The following KCNC1 variants were observed in gnomAD, a reference collection of about 807,000 sequenced individuals.
KCNC1 encodes the protein potassium voltage-gated channel subfamily C member 1, also known as voltage-gated potassium channel KCNC1.
A neutral mutation model predicts 43.4 loss-of-function variants in KCNC1; 8 were observed. The ratio of observed to expected loss-of-function variants is 0.18; its 90% CI spans 0.11 to 0.33. KCNC1 has a LOEUF of 0.33. Ranked by LOEUF, KCNC1 falls within the 10% of genes least tolerant of loss-of-function variation. The probability of loss-of-function intolerance (pLI) is 1.00; values close to 1 mark genes in which losing one functional copy is unlikely to be tolerated. For synonymous variants in KCNC1, 361 were observed against 360.5 expected (o/e 1.00, Z -0.01); for missense variants, 420 against 836.0 (o/e 0.50, Z 6.14).
At position 17,776,082 on chromosome 11, in the gene KCNC1, G is replaced by T; in HGVS notation, c.1505-3374G>T. The stretch of plus-strand genomic sequence containing the variant: ...AGGGTCAGCAGCCTGTGGGCCCTGA[G>T]TGGGGTCTTTGTTGTCCTCAGGTGG... On this transcript the variant is annotated intron_variant, in intron 2 of 3. Transcript: ENST00000265969. This position sits in a 1 kb window ranked among gnomAD's most constrained non-coding sequence, Gnocchi z 4.4. 1 of 985,504 alleles carries T rather than the reference G, an allele frequency of 1.0e-6. No individual in the cohort carries two copies. Among genetic ancestry groups the T allele is most frequent in the Non-Finnish European group, 1.2e-6 (1 of 829,996 alleles). 61.0% of individuals were successfully genotyped at this position (985,504 alleles called of 1,614,324 possible).
intron 1 of KCNC1, among the ~76,000 whole-genome samples, chr11:17,755,046 G>A (rs966575876): frequency 2.0e-5 from 3 of 152,312 alleles, no homozygotes; most frequent in Middle Eastern, 6.8e-3. Context: ...TGTTGGTTGA[G>A]ACTTGAAATA....
intron 2 of KCNC1, among the ~76,000 whole-genome samples, chr11:17,778,492 C>T (rs1447988314): frequency 1.3e-5 from 2 of 152,264 alleles, no homozygotes; most frequent in East Asian, 3.8e-4. Context: ...GTCCTGCTGC[C>T]ACAGCCTCAT....
chr11:17,736,495 C>T lies in KCNC1; in HGVS notation c.493C>T (p.Pro165Ser). The change falls in exon 1 of 4, where the codon CCT becomes TCT. Residue 165 changes from proline to serine, a missense_variant. Coordinates refer to ENST00000265969, the MANE Select transcript of KCNC1 (RefSeq NM_001112741.2). The surrounding 1 kb of genome is among the most constrained non-coding windows in gnomAD (Gnocchi z 9.3). ...LALSDSPDGR[P>S]GGFWRRWQPR... is the part of the protein sequence containing the mutation. ...GCTCAGTGACTCCCCGGATGGCCGG[C>T]CTGGCGGCTTTTGGCGCCGCTGGCA... 1.3e-6 allele frequency: 2 copies of T among 1,593,804 alleles called. No homozygotes were observed. The highest frequency in any genetic ancestry group is 1.1e-5 in the South Asian group (1 of 89,776).
rs1849348105 is a variant in KCNC1, at chr11:17,781,650, A to C, written c.1694-20A>C. ...GCCAAGAAGAGAAGCTCAAGTGTTA[A>C]TTGTATTCTTTACATACAGATCTTT... On this transcript the variant is annotated intron_variant, in intron 3 of 3. Transcript: ENST00000265969. This position sits in a 1 kb window ranked among gnomAD's most constrained non-coding sequence, Gnocchi z 5.1. 6.6e-7 allele frequency: 1 copy of C among 1,517,876 alleles called. No homozygotes were observed. The highest frequency in any genetic ancestry group is 2.0e-5 in the Admixed American group (1 of 50,838). The allele number at this position is 1,517,876 out of a possible 1,614,324, so 94.0% of individuals were successfully genotyped here. A position where few individuals can be genotyped will look rare whatever the true frequency, so the allele number is the denominator to read the frequency against.
Position 17,777,747 on chromosome 11 carries a change from C to T in KCNC1, c.1505-1709C>T. On this transcript the variant is annotated intron_variant, in intron 2 of 3. Coordinates refer to ENST00000265969, the MANE Select transcript of KCNC1 (RefSeq NM_001112741.2). This position sits in a 1 kb window ranked among gnomAD's most constrained non-coding sequence, Gnocchi z 4.3. ...ATGCTTTGCCATCTTGTACGAAAGA[C>T]TTTTTTTTTAAGTTCCAAAATTATG... 1.0e-6 allele frequency: 1 copy of T among 981,778 alleles called. No individual in the cohort carries two copies. Among genetic ancestry groups the T allele is most frequent in the Non-Finnish European group, 1.2e-6 (1 of 826,360 alleles). The allele number at this position is 981,778 out of a possible 1,614,324, so 60.8% of individuals were successfully genotyped here.
At chr11:17,752,495 A>G (rs1450597059) in intron 1 of KCNC1, among the ~76,000 whole-genome samples, 1 of 152,244 alleles carries the variant, frequency 6.6e-6, no homozygotes, top group Non-Finnish European at 1.5e-5. Flanking sequence ...ACATGCAGAC[A>G]TCTGCACACA....
Position 17,782,164 on chromosome 11 carries a change from A to C in KCNC1, c.*430A>C, listed in dbSNP as rs1236205. The C allele has an allele frequency of 6.3e-6, 1 of 158,224 alleles. No homozygotes were observed. The highest frequency in any genetic ancestry group is 2.4e-5 in the African/African-American group (1 of 41,518). The allele number at this position is 158,224 out of a possible 1,614,324, so 9.8% of individuals were successfully genotyped here. A position where few individuals can be genotyped will look rare whatever the true frequency, so the allele number is the denominator to read the frequency against. The stretch of plus-strand genomic sequence containing the variant: ...TTGGAGCCAAACTGTAACGGCGTTC[A>C]GTAGAAACCTGTACATTTCTGGGGG... On this transcript the variant is annotated 3_prime_UTR_variant, in exon 4 of 4. Transcript: ENST00000265969.
chr11:17,751,896 C>G (rs762974531), intron 1 of KCNC1, among the ~76,000 whole-genome samples: 6 of 152,262 alleles, frequency 3.9e-5, no homozygotes, highest in Middle Eastern at 6.8e-3. Context: ...CCTCAGGTCC[C>G]CAGCCTTGGT....
intron 2 of KCNC1, chr11:17,774,417 G>T: frequency 1.0e-6 from 1 of 985,574 alleles, no homozygotes; most frequent in Middle Eastern, 5.2e-4. Context: ...CCAAGCACAG[G>T]TGCCCTGGGC....
intron 1 of KCNC1, among the ~76,000 whole-genome samples, chr11:17,754,266 A>G (rs1245036404): frequency 1.3e-5 from 2 of 152,228 alleles, no homozygotes; most frequent in African/African-American, 4.8e-5. Flanking sequence ...CCCATTGCCA[A>G]TGAGAGCATA....
intron 1 of KCNC1, among the ~76,000 whole-genome samples, chr11:17,768,335 T>C (rs1849178051): frequency 6.6e-6 from 1 of 152,146 alleles, no homozygotes; most frequent in Non-Finnish European, 1.5e-5. Context: ...GGAGACACTC[T>C]GTGGTCAGAA....
chr11:17,764,135 AC>A lies in KCNC1; in HGVS notation c.571-7523del, dbSNP rs563423204. Among the ~76,000 whole-genome samples, 918 of 124,854 alleles carry A rather than the reference AC, an allele frequency of 7.4e-3. 11 individuals carry two copies. The highest frequency in any genetic ancestry group is 9.0e-3 in the Non-Finnish European group (548 of 60,714). The allele number at this position is 124,854 out of a possible 152,430, so 81.9% of individuals were successfully genotyped here. On this transcript the variant is annotated intron_variant, in intron 1 of 3. Transcript: ENST00000265969. The stretch of plus-strand genomic sequence containing the variant: ...CACACGTCTCCATAGACACACACAC[AC>A]CCCCCCACAAACCACATATAGCCCT...
chr11:17,736,126 G>T lies in KCNC1; in HGVS notation c.124G>T (p.Ala42Ser). Residue 42 changes from alanine to serine, a missense_variant, in exon 1 of 4, where the codon GCC becomes TCC. Physicochemically the swap from Ala to Ser is moderately conservative, Grantham distance 99 (BLOSUM62 1). Transcript: ENST00000265969. The surrounding 1 kb of genome is among the most constrained non-coding windows in gnomAD (Gnocchi z 9.3). ...GCTCGCCTGGCTGGCGGAGCCCGAC[G>T]CCCACAGCCACTTCGACTATGACCC... ...TRLAWLAEPD[A>S]HSHFDYDPRA... 6.2e-7 allele frequency: 1 copy of T among 1,611,158 alleles called. No homozygotes were observed. Among genetic ancestry groups the T allele is most frequent in the Non-Finnish European group, 8.5e-7 (1 of 1,179,074 alleles).
intron 1 of KCNC1, among the ~76,000 whole-genome samples, chr11:17,743,223 G>A (rs1050212619): frequency 6.6e-6 from 1 of 152,214 alleles, no homozygotes; most frequent in African/African-American, 2.4e-5. Flanking sequence ...AGGTCACTTA[G>A]CTCATGCGCG....
At position 17,779,848 on chromosome 11, in the gene KCNC1, T is replaced by G; in HGVS notation, c.1693+204T>G. ...AGATGTCAGGCTGGCAGAGAGAACT[T>G]GAGGCCCTGGCAGCTGTGGGTTGCT... On this transcript the variant is annotated intron_variant, in intron 3 of 3. Transcript: ENST00000265969. The surrounding 1 kb of genome is among the most constrained non-coding windows in gnomAD (Gnocchi z 7.2). The G allele has an allele frequency of 2.3e-6, 1 of 432,742 alleles. No homozygotes were observed. Among genetic ancestry groups the G allele is most frequent in the Non-Finnish European group, 4.0e-6 (1 of 247,390 alleles). The allele number at this position is 432,742 out of a possible 1,614,324, so 26.8% of individuals were successfully genotyped here. A position where few individuals can be genotyped will look rare whatever the true frequency, so the allele number is the denominator to read the frequency against.
In KCNC1 at chr11:17,736,203, C is replaced by A; in HGVS notation, c.201C>A (p.Ile67=). 1 of 1,613,854 alleles carries A rather than the reference C, an allele frequency of 6.2e-7. No homozygotes were observed. Among genetic ancestry groups the A allele is most frequent in the Non-Finnish European group, 8.5e-7 (1 of 1,179,890 alleles). ...GCCACCCCGGCGTCTTCGCGCACAT[C>A]CTGAACTACTACCGCACGGGCAAGC... ...FDRHPGVFAH[I]LNYYRTGKLH... is the part of the protein sequence containing the mutation. The change falls in exon 1 of 4, where the codon ATC becomes ATA. Residue 67 remains isoleucine (I), a synonymous_variant. Coordinates refer to ENST00000265969, the MANE Select transcript of KCNC1 (RefSeq NM_001112741.2). The surrounding 1 kb of genome is among the most constrained non-coding windows in gnomAD (Gnocchi z 9.3).
chr11:17,748,973 G>A (rs907764200), intron 1 of KCNC1, among the ~76,000 whole-genome samples: 1 of 152,150 alleles, frequency 6.6e-6, no homozygotes, highest in African/African-American at 2.4e-5. Context: ...AGAGGGTCGG[G>A]GGCCTTGCCG....
intron 1 of KCNC1, among the ~76,000 whole-genome samples, chr11:17,748,627 A>C (rs1022460796): frequency 2.0e-5 from 3 of 152,100 alleles, no homozygotes; most frequent in African/African-American, 7.2e-5. Flanking sequence ...AGAAAGAAAA[A>C]TCCACCCCTA....
At chr11:17,744,893 G>A (rs1008588057) in intron 1 of KCNC1, among the ~76,000 whole-genome samples, 6 of 152,112 alleles carry the variant, frequency 3.9e-5, no homozygotes, top group Non-Finnish European at 8.8e-5. Flanking sequence ...AGATCAGGGA[G>A]GGGGAGAATG....
Sources: gnomAD v4.1 joint callset for allele counts (sites outside exome capture counted in the v4.1 genomes callset) on GRCh38, gnomAD v4.1.1 for gene constraint, Gnocchi (gnomAD v3.1) non-coding constraint, MANE v1.5 for transcripts, NCBI Gene and HGNC (gene_info 2026-07-23, HGNC 2026-07-21) for gene names.